ZMYM4: variants seen among roughly 807,000 people sequenced by gnomAD.
The protein encoded by ZMYM4 is zinc finger MYM-type protein 4.
A neutral mutation model predicts 183.2 loss-of-function variants in ZMYM4; 31 were observed. The observed-to-expected ratio is 0.17, with a 90% CI of 0.13 to 0.23. The LOEUF (loss-of-function observed/expected upper bound fraction) is 0.23. Ranked by LOEUF, ZMYM4 falls within the 10% of genes least tolerant of loss-of-function variation. The pLI, the probability that ZMYM4 is intolerant of heterozygous loss-of-function variation, is 1.00. For missense variants in ZMYM4, 1,273 were observed against 1,840.3 expected, an observed-to-expected ratio of 0.69 and a Z score of 5.64; for synonymous variants, 592 against 631.2, an observed-to-expected ratio of 0.94 and a Z score of 0.93.
At chr1:35,388,880 A>G (rs376726242) in intron 13 of ZMYM4, 30 bp from the exon 14 acceptor site, 34 of 1,605,848 alleles carry the variant, frequency 2.1e-5, no homozygotes, top group Middle Eastern at 3.4e-4. Context: ...ACTTCTACCT[A>G]ATGTTAATTT....
At position 35,387,519 on chromosome 1, in the gene ZMYM4, G is replaced by A. The variant is rs1644602920; in HGVS notation, c.2178G>A (p.Met726Ile). 3 of 1,613,462 alleles carry A rather than the reference G, an allele frequency of 1.9e-6. No homozygotes were observed. Among genetic ancestry groups the A allele is most frequent in the East Asian group, 4.5e-5 (2 of 44,830 alleles). Residue 726 changes from methionine (M) to isoleucine (I), a missense_variant, in exon 13 of 30, where the codon ATG (methionine) becomes ATA (isoleucine). Physicochemically the swap from Met to Ile is conservative, Grantham distance 10. Transcript: ENST00000314607. ...AATATAAGAAAATAAATAATGTAAT[G>A]GCAATGTGTGAATATTGTAAAATTG... ...SDEYKKINNV[M>I]AMCEYCKIEK...
chr1:35,367,373 C>T (rs507632), intron 5 of ZMYM4, among the ~76,000 whole-genome samples: 1,676 of 151,900 alleles, frequency 0.011, 32 homozygotes, highest in African/African-American at 0.033. Flanking sequence ...GGATTACAGG[C>T]GTGCACCACC....
At chr1:35,415,773 A>T in intron 28 of ZMYM4, 59 bp downstream of exon 28, 1 of 1,571,432 alleles carries the variant, frequency 6.4e-7, no homozygotes, top group Non-Finnish European at 8.6e-7. Context: ...ACTAAAATAG[A>T]GAGTTACTGC....
At chr1:35,289,164 T>G (rs1397559499) in intron 1 of ZMYM4, among the ~76,000 whole-genome samples, 1 of 152,174 alleles carries the variant, frequency 6.6e-6, no homozygotes. Context: ...GAATAGATAA[T>G]TCTCTGAGCA....
chr1:35,344,002 GA>G (rs901686952), intron 2 of ZMYM4, among the ~76,000 whole-genome samples: 12 of 151,472 alleles, frequency 7.9e-5, no homozygotes, highest in African/African-American at 2.9e-4. Context: ...TAATTTGGGG[GA>G]AAATTAACAC....
intron 1 of ZMYM4, among the ~76,000 whole-genome samples, chr1:35,313,335 T>A (rs189508230): frequency 1.3e-5 from 2 of 152,174 alleles, no homozygotes; most frequent in Admixed American, 1.3e-4. Context: ...GCACCCAGCC[T>A]ATCTTAAGTA....
chr1:35,304,320 G>A (rs1179372362), intron 1 of ZMYM4, among the ~76,000 whole-genome samples: 4 of 151,852 alleles, frequency 2.6e-5, no homozygotes, highest in East Asian at 1.9e-4. Flanking sequence ...CACCGCGCCC[G>A]GCCATACAGT....
chr1:35,388,840 C>G (rs1159619497), intron 13 of ZMYM4, 70 bp from the exon 14 acceptor site: 9 of 1,465,314 alleles, frequency 6.1e-6, no homozygotes, highest in Non-Finnish European at 8.5e-6. Flanking sequence ...CGGGCCTGTC[C>G]TAGGCCATTT....
At chr1:35,285,290 G>C (rs1414534378) in intron 1 of ZMYM4, among the ~76,000 whole-genome samples, 1 of 152,066 alleles carries the variant, frequency 6.6e-6, no homozygotes, top group Non-Finnish European at 1.5e-5. Context: ...ACAATGTTAA[G>C]TCTTCCAGTC....
At chr1:35,277,008 G>A (rs1314669483) in intron 1 of ZMYM4, among the ~76,000 whole-genome samples, 2 of 152,078 alleles carry the variant, frequency 1.3e-5, no homozygotes, top group African/African-American at 4.8e-5. Flanking sequence ...TCCACATTTT[G>A]GATTTGGCTG....
At position 35,386,109 on chromosome 1, in the gene ZMYM4, G is replaced by A; in HGVS notation, c.1756G>A (p.Ala586Thr). 1 of 1,613,882 alleles carries A rather than the reference G, an allele frequency of 6.2e-7. No homozygotes were observed. Among genetic ancestry groups the A allele is most frequent in the South Asian group, 1.1e-5 (1 of 91,028 alleles). Reference sequence around the variant, plus strand: ...TCAGTGTAACAGTTGTAAAACCTCAGCAATTCCTCAGTATCACCTAGCCAT... The same window carrying A: ...TCAGTGTAACAGTTGTAAAACCTCAACAATTCCTCAGTATCACCTAGCCAT... ...QVQCNSCKTS[A>T]IPQYHLAMSD... The change falls in exon 11 of 30, where the codon GCA (alanine) becomes ACA (threonine). Residue 586 changes from alanine (A) to threonine (T), a missense_variant. Transcript: ENST00000314607.
rs759177944 is a variant in ZMYM4, at chr1:35,417,389, T to C, written c.4310-1054T>C. Among the ~76,000 whole-genome samples the C allele has an allele frequency of 1.1e-3, 168 of 152,216 alleles. 1 individual carries two copies. Among genetic ancestry groups the C allele is most frequent in the Non-Finnish European group, 2.0e-3 (136 of 68,038 alleles). ...ATAATGCTTGGCCTCTGCAAAATAC[T>C]GTTGGGGAAAAATGGTTTGTTCTTT... On this transcript the variant is annotated intron_variant, in intron 28 of 29. Coordinates refer to ENST00000314607, the MANE Select transcript of ZMYM4 (RefSeq NM_005095.3).
intron 1 of ZMYM4, among the ~76,000 whole-genome samples, chr1:35,304,315 C>T (rs528755212): frequency 2.6e-5 from 4 of 152,068 alleles, no homozygotes; most frequent in Admixed American, 1.3e-4. Context: ...TGAGCCACCG[C>T]GCCCGGCCAT....
intron 25 of ZMYM4, among the ~76,000 whole-genome samples, chr1:35,407,542 G>GT (rs1419275786): frequency 6.6e-6 from 1 of 151,994 alleles, no homozygotes; most frequent in East Asian, 1.9e-4. Flanking sequence ...GACAAATATA[G>GT]TATCTTGTGT....
At position 35,419,653 on chromosome 1, in the gene ZMYM4, C is replaced by T. The variant is rs1640257875; in HGVS notation, c.4623C>T (p.Asp1541=). 6.2e-7 allele frequency: 1 copy of T among 1,614,162 alleles called. No individual in the cohort carries two copies. Among genetic ancestry groups the T allele is most frequent in the Non-Finnish European group, 8.5e-7 (1 of 1,180,018 alleles). ...AACTTGCCAAAGCCAAATCTGAAGA[C>T]TCTGATGTTGAATTATCAGATTAAA... ...HEELAKAKSE[D]SDVELSD Residue 1541 remains aspartate (D), a synonymous_variant, in exon 30 of 30, where the codon GAC becomes GAT. Transcript: ENST00000314607.
intron 1 of ZMYM4, among the ~76,000 whole-genome samples, chr1:35,272,427 T>C (rs966534238): frequency 6.6e-6 from 1 of 152,220 alleles, no homozygotes; most frequent in African/African-American, 2.4e-5. Flanking sequence ...AATTGTGAAC[T>C]CCTTTAACAT....
Position 35,390,009 on chromosome 1 carries a change from G to A in ZMYM4, c.2498G>A (p.Gly833Glu), listed in dbSNP as rs1246082238. 2 of 1,613,704 alleles carry A rather than the reference G, an allele frequency of 1.2e-6. No homozygotes were observed. Among genetic ancestry groups the A allele is most frequent in the Non-Finnish European group, 1.7e-6 (2 of 1,179,904 alleles). ...GKLSESLKWR[G>E]EMKHFCNLLC... The stretch of plus-strand genomic sequence containing the variant: ...CTCAGTGAGTCCTTGAAATGGCGAG[G>A]GGAAATGAAACATTTCTGTAACCTG... Residue 833 changes from glycine (G) to glutamate (E), a missense_variant, in exon 15 of 30, where the codon GGG becomes GAG. This residue lies in a region of ZMYM4 where 290 missense variants were observed against 353.3 expected (regional missense o/e 0.82). Coordinates refer to ENST00000314607, the MANE Select transcript of ZMYM4 (RefSeq NM_005095.3).
At chr1:35,325,713 A>G (rs1362529778) in intron 2 of ZMYM4, among the ~76,000 whole-genome samples, 1 of 151,860 alleles carries the variant, frequency 6.6e-6, no homozygotes, top group Non-Finnish European at 1.5e-5. Flanking sequence ...AAGGTCTTTT[A>G]TTTTCTTTTA....
At position 35,398,944 on chromosome 1, in the gene ZMYM4, T is replaced by C; in HGVS notation, c.3334T>C (p.Tyr1112His). Residue 1112 changes from tyrosine (Y) to histidine (H), a missense_variant, in exon 22 of 30, where the codon TAT (tyrosine) becomes CAT (histidine). Physicochemically the swap from Tyr to His is moderately conservative, Grantham distance 83 (BLOSUM62 2). Around this residue, in one of 6 missense-constraint regions of ZMYM4, gnomAD observed 290 missense variants for 353.3 expected, o/e 0.82. Transcript: ENST00000314607. Reference sequence around the variant, plus strand: ...TAGCTGGGAGGAAGAGCTGAATCACTATGCCTTAAAGTCAAATGCTGTGCA... The same window carrying C: ...TAGCTGGGAGGAAGAGCTGAATCACCATGCCTTAAAGTCAAATGCTGTGCA... ...PHSWEEELNH[Y>H]ALKSNAVQEA... The C allele has an allele frequency of 6.2e-7, 1 of 1,614,156 alleles. No individual in the cohort carries two copies. The highest frequency in any genetic ancestry group is 1.7e-5 in the Admixed American group (1 of 60,022).
Sources: gnomAD v4.1 joint callset for allele counts (sites outside exome capture counted in the v4.1 genomes callset) on GRCh38, gnomAD v4.1.1 for gene constraint, gnomAD v4.1.1 regional missense constraint, MANE v1.5 for transcripts, NCBI Gene and HGNC (gene_info 2026-07-23, HGNC 2026-07-21) for gene names.